PLCB4: variants seen among roughly 807,000 people sequenced by gnomAD.
PLCB4 encodes phospholipase C beta 4.
Under a neutral mutation model 178.8 loss-of-function variants are expected in PLCB4, and 77 were observed. The ratio of observed to expected loss-of-function variants is 0.43; its 90% CI spans 0.36 to 0.52. The LOEUF (loss-of-function observed/expected upper bound fraction) is 0.52, where lower values mean the gene tolerates loss of function less well. Ranked by LOEUF, PLCB4 falls within the 20% of genes least tolerant of loss-of-function variation. The probability of loss-of-function intolerance (pLI) is 0.00; values close to 1 mark genes in which losing one functional copy is unlikely to be tolerated. For missense variants in PLCB4, 1,024 were observed against 1,453.4 expected (o/e 0.70, Z 4.80); for synonymous variants, 496 against 490.8 (o/e 1.01, Z -0.14).
At chr20:9,225,374 T>C (rs1287802739) in intron 3 of PLCB4, among the ~76,000 whole-genome samples, 1 of 152,164 alleles carries the variant, frequency 6.6e-6, no homozygotes, top group Admixed American at 6.5e-5. Flanking sequence ...AGGTGAACTT[T>C]TTAAAAGGTT....
chr20:9,076,018 T>TG (rs1303186758), intron 1 of PLCB4, among the ~76,000 whole-genome samples: 19 of 152,194 alleles, frequency 1.2e-4, no homozygotes, highest in Admixed American at 1.0e-3. Context: ...AAGGTTGTTA[T>TG]GGTCATTTAT....
chr20:9,360,922 T>A lies in PLCB4; in HGVS notation c.370-1974T>A, dbSNP rs564593932. Among the ~76,000 whole-genome samples, 10 of 152,220 alleles carry A rather than the reference T, an allele frequency of 6.6e-5. No individual in the cohort carries two copies. In the South Asian group the frequency reaches 8.3e-4, roughly 13 times the overall value. On this transcript the variant is annotated intron_variant, in intron 7 of 39. Coordinates refer to ENST00000378473, the MANE Select transcript of PLCB4 (RefSeq NM_001377142.1). ...GTGTGACCAGGATCAGCAAAAACTG[T>A]TAGATTCACATCCATTAGTTTGGCT...
chr20:9,140,630 G>T (rs543695356), intron 2 of PLCB4, among the ~76,000 whole-genome samples: 1 of 151,874 alleles, frequency 6.6e-6, no homozygotes, highest in Admixed American at 6.6e-5. Flanking sequence ...GTGAGTTCTT[G>T]TTCTATTAAT....
chr20:9,439,718 T>C (rs2041996914), intron 30 of PLCB4, among the ~76,000 whole-genome samples: 1 of 152,168 alleles, frequency 6.6e-6, no homozygotes. Flanking sequence ...TCTCATTACT[T>C]CTTCAGCAGT....
chr20:9,386,074 G>A lies in PLCB4; in HGVS notation c.1065-1389G>A, dbSNP rs111796641. Among the ~76,000 whole-genome samples the A allele has an allele frequency of 3.6e-3, 543 of 152,312 alleles. 2 individuals carry two copies. The highest frequency in any genetic ancestry group is 0.012 in the African/African-American group (501 of 41,572). On this transcript the variant is annotated intron_variant, in intron 14 of 39. Coordinates refer to ENST00000378473, the MANE Select transcript of PLCB4 (RefSeq NM_001377142.1). ...CGGAGACCAGCCCCGTCAACAGGGC[G>A]ATACCCCATCTCCTCCAAAAATAGA... is the stretch of plus-strand genomic sequence containing the variant.
chr20:9,434,976 A>T (rs1472713151), intron 28 of PLCB4, among the ~76,000 whole-genome samples: 1 of 152,218 alleles, frequency 6.6e-6, no homozygotes, highest in Non-Finnish European at 1.5e-5. Flanking sequence ...AATATAAAAT[A>T]TTAAATTCTA....
At chr20:9,082,377 G>A (rs1276268135) in intron 1 of PLCB4, among the ~76,000 whole-genome samples, 2 of 152,102 alleles carry the variant, frequency 1.3e-5, no homozygotes, top group African/African-American at 4.8e-5. Flanking sequence ...AACCAGAAGG[G>A]AGCATTTTAT....
chr20:9,322,969 G>C (rs1288718800), intron 4 of PLCB4, among the ~76,000 whole-genome samples: 1 of 152,164 alleles, frequency 6.6e-6, no homozygotes, highest in Non-Finnish European at 1.5e-5. Flanking sequence ...TACCTACCTC[G>C]CATTGCCATC....
chr20:9,207,990 T>G (rs964175722), intron 2 of PLCB4, among the ~76,000 whole-genome samples: 14 of 152,176 alleles, frequency 9.2e-5, no homozygotes, highest in Non-Finnish European at 2.1e-4. Flanking sequence ...ATTACAGAAA[T>G]GTACCCCTTT....
Position 9,171,480 on chromosome 20 carries a change from A to G in PLCB4, c.-78-45910A>G, listed in dbSNP as rs6056441. 4.5e-3 allele frequency among the ~76,000 whole-genome samples: 686 copies of G among 152,318 alleles called. 4 individuals carry two copies. The highest frequency in any genetic ancestry group is 0.013 in the African/African-American group (561 of 41,574). ...TGTTAGGGCTAATGTATAGTTGTCAAACTATAGACCAGAACAACAAGAATC... is the reference window on the plus strand; with the variant it reads ...TGTTAGGGCTAATGTATAGTTGTCAGACTATAGACCAGAACAACAAGAATC... On this transcript the variant is annotated intron_variant, in intron 2 of 39. Coordinates refer to ENST00000378473, the MANE Select transcript of PLCB4 (RefSeq NM_001377142.1).
At chr20:9,281,577 GT>G (rs2094495249) in intron 3 of PLCB4, among the ~76,000 whole-genome samples, 1 of 151,868 alleles carries the variant, frequency 6.6e-6, no homozygotes, top group Non-Finnish European at 1.5e-5. Context: ...ATGCTAAAAT[GT>G]TTTAATCTTA....
chr20:9,443,951 A>T (rs1469396225), intron 30 of PLCB4, 30 bp from the exon 31 acceptor site: 3 of 1,310,392 alleles, frequency 2.3e-6, no homozygotes, highest in African/African-American at 1.5e-5. Context: ...TTTAGTATAC[A>T]TAGTGACTTA....
chr20:9,358,831 A>G (rs1371732911), intron 7 of PLCB4, among the ~76,000 whole-genome samples: 2 of 151,976 alleles, frequency 1.3e-5, no homozygotes, highest in Non-Finnish European at 2.9e-5. Context: ...CCTGGGAGGT[A>G]GAGGTTGCAG....
chr20:9,375,031 T>C (rs2036554521), intron 12 of PLCB4, among the ~76,000 whole-genome samples: 2 of 152,292 alleles, frequency 1.3e-5, no homozygotes, highest in South Asian at 4.1e-4. Context: ...TAGATTTCTT[T>C]AGGTCATAGG....
intron 28 of PLCB4, among the ~76,000 whole-genome samples, chr20:9,431,905 G>C (rs115413922): frequency 0.017 from 2,609 of 152,098 alleles, 72 homozygotes; most frequent in African/African-American, 0.059. Flanking sequence ...TGCCTATCAG[G>C]CATATGAGTT....
At chr20:9,099,419 C>T (rs542152139) in intron 2 of PLCB4, among the ~76,000 whole-genome samples, 12 of 152,192 alleles carry the variant, frequency 7.9e-5, no homozygotes, top group African/African-American at 1.7e-4. Flanking sequence ...TTCTTCAGTA[C>T]GAAAGCTAGC....
chr20:9,358,316 A>G (rs1415832129), intron 7 of PLCB4, among the ~76,000 whole-genome samples: 3 of 152,234 alleles, frequency 2.0e-5, no homozygotes, highest in Non-Finnish European at 2.9e-5. Flanking sequence ...CTTCACTAGT[A>G]GCCTCTTCTG....
chr20:9,288,267 C>T (rs2094551671), intron 3 of PLCB4, among the ~76,000 whole-genome samples: 1 of 151,992 alleles, frequency 6.6e-6, no homozygotes, highest in African/African-American at 2.4e-5. Flanking sequence ...TTTATTATAG[C>T]CCTTTATCAG....
At chr20:9,423,979 A>G in intron 28 of PLCB4, 27 bp downstream of exon 28, 6 of 1,322,012 alleles carry the variant, frequency 4.5e-6, no homozygotes, top group Non-Finnish European at 6.5e-6. Flanking sequence ...GGTACGGAAT[A>G]TGATATAGAT....
Sources: allele counts gnomAD v4.1 joint callset (sites outside exome capture counted in the v4.1 genomes callset), GRCh38; gene constraint gnomAD v4.1.1; transcripts MANE v1.5; gene names NCBI Gene and HGNC (gene_info 2026-07-23, HGNC 2026-07-21).